Variants in SLC35F1 observed in about 807,000 individuals in gnomAD.
SLC35F1 encodes the protein solute carrier family 35 member F1.
Under a neutral mutation model 48.7 loss-of-function variants are expected in SLC35F1, and 14 were observed. That is an observed-to-expected ratio of 0.29 (90% CI 0.19 to 0.45). The LOEUF is 0.45. SLC35F1 is among the 20% of genes least tolerant of loss of function. The pLI is 1.00. For missense variants in SLC35F1, 404 were observed against 500.0 expected (o/e 0.81, Z 1.83); for synonymous variants, 190 against 202.2 (o/e 0.94, Z 0.51).
intron 1 of SLC35F1, among the ~76,000 whole-genome samples, chr6:118,120,374 T>G (rs894836375): frequency 6.6e-6 from 1 of 152,034 alleles, no homozygotes; most frequent in African/African-American, 2.4e-5. Context: ...ATTCTAAGAG[T>G]AGATGAGAAC....
At chr6:118,043,047 T>C (rs949683001) in intron 1 of SLC35F1, among the ~76,000 whole-genome samples, 2 of 152,192 alleles carry the variant, frequency 1.3e-5, no homozygotes, top group Non-Finnish European at 2.9e-5. Context: ...AGCTGCTGTG[T>C]GTACTGTGCG....
intron 1 of SLC35F1, among the ~76,000 whole-genome samples, chr6:117,964,209 T>C (rs1469185583): frequency 6.6e-6 from 1 of 152,244 alleles, no homozygotes; most frequent in Non-Finnish European, 1.5e-5. Flanking sequence ...CATATTTTCT[T>C]TCTCCAGTCT....
At chr6:118,243,601 GA>G (rs1196077369) in intron 3 of SLC35F1, among the ~76,000 whole-genome samples, 2 of 152,192 alleles carry the variant, frequency 1.3e-5, no homozygotes, top group Non-Finnish European at 2.9e-5. Context: ...GGAGACACAG[GA>G]GAAACAGCTC....
intron 1 of SLC35F1, among the ~76,000 whole-genome samples, chr6:117,933,980 G>A (rs575653302): frequency 6.6e-6 from 1 of 152,062 alleles, no homozygotes; most frequent in East Asian, 1.9e-4. Context: ...AATAACAAAA[G>A]TGGAAATCAT....
At chr6:118,020,610 A>C (rs1777381332) in intron 1 of SLC35F1, among the ~76,000 whole-genome samples, 1 of 152,230 alleles carries the variant, frequency 6.6e-6, no homozygotes, top group African/African-American at 2.4e-5. Context: ...ACTTGGAAGA[A>C]TTATTGATTT....
At chr6:118,130,321 T>C (rs1562298681) in intron 1 of SLC35F1, among the ~76,000 whole-genome samples, 1 of 152,174 alleles carries the variant, frequency 6.6e-6, no homozygotes, top group African/African-American at 2.4e-5. Context: ...AAGAGGCGTG[T>C]GCTTCAGTTT....
At chr6:117,918,090 C>G (rs1775849638) in intron 1 of SLC35F1, among the ~76,000 whole-genome samples, 1 of 152,036 alleles carries the variant, frequency 6.6e-6, no homozygotes, top group Non-Finnish European at 1.5e-5. Context: ...GTGGCAACCA[C>G]AGGGTCAGAG....
In SLC35F1 at chr6:118,128,926, G is replaced by A. The variant is rs1053790082; in HGVS notation, c.174-25519G>A. Among the ~76,000 whole-genome samples the A allele has an allele frequency of 3.9e-5, 6 of 151,978 alleles. No individual in the cohort carries two copies. The East Asian group carries it at 7.7e-4, about 20-fold the overall frequency. ...TTTGAAGCTCAGTGTTTTAACTTTG[G>A]CTATTTCATGAAAATACATGACTAA... On this transcript the variant is annotated intron_variant, in intron 1 of 7. Coordinates refer to ENST00000360388, the MANE Select transcript of SLC35F1 (RefSeq NM_001029858.4).
At chr6:118,126,246 A>T (rs1773622737) in intron 1 of SLC35F1, among the ~76,000 whole-genome samples, 1 of 152,114 alleles carries the variant, frequency 6.6e-6, no homozygotes, top group African/African-American at 2.4e-5. Flanking sequence ...GGATTAATTC[A>T]TGTCAAATGT....
chr6:117,925,021 T>A (rs966346152), intron 1 of SLC35F1, among the ~76,000 whole-genome samples: 1 of 152,164 alleles, frequency 6.6e-6, no homozygotes, highest in Non-Finnish European at 1.5e-5. Context: ...ACATGTGACA[T>A]CTTCAGAAGC....
At chr6:117,967,308 A>G (rs1251363505) in intron 1 of SLC35F1, among the ~76,000 whole-genome samples, 3 of 152,224 alleles carry the variant, frequency 2.0e-5, no homozygotes, top group African/African-American at 7.2e-5. Flanking sequence ...ACATTTTGAA[A>G]CCATAGAAAA....
intron 2 of SLC35F1, among the ~76,000 whole-genome samples, chr6:118,155,547 G>A (rs1774127175): frequency 6.6e-6 from 1 of 152,148 alleles, no homozygotes; most frequent in African/African-American, 2.4e-5. Flanking sequence ...CCAGATGTGA[G>A]CCCTTTAACC....
At position 117,993,654 on chromosome 6, in the gene SLC35F1, T is replaced by G. The variant is rs181582215; in HGVS notation, c.173+85755T>G. On this transcript the variant is annotated intron_variant, in intron 1 of 7. Transcript: ENST00000360388. The stretch of plus-strand genomic sequence containing the variant: ...CACCTGTTCATAGTTATAGCATAAT[T>G]TAGATCCTAGCCTGAAGAAAACTCT... Among the ~76,000 whole-genome samples the G allele has an allele frequency of 2.0e-4, 31 of 152,210 alleles. No individual in the cohort carries two copies. The East Asian group carries it at 5.8e-3, about 29-fold the overall frequency.
intron 2 of SLC35F1, among the ~76,000 whole-genome samples, chr6:118,213,213 A>G (rs1489670166): frequency 1.3e-5 from 2 of 152,230 alleles, no homozygotes; most frequent in Non-Finnish European, 2.9e-5. Flanking sequence ...GCTAAAATCA[A>G]CAAGTTATGG....
At chr6:118,043,602 A>T (rs1408991169) in intron 1 of SLC35F1, among the ~76,000 whole-genome samples, 1 of 152,186 alleles carries the variant, frequency 6.6e-6, no homozygotes, top group East Asian at 1.9e-4. Flanking sequence ...TATTTAACAG[A>T]TGAGTGAGCT....
chr6:117,923,712 T>TATGTATATATGTACATATGTAC (rs1184607463), intron 1 of SLC35F1, among the ~76,000 whole-genome samples: 1 of 20,164 alleles, frequency 5.0e-5, no homozygotes, highest in African/African-American at 1.3e-4. Flanking sequence ...TATATGTACA[T>TATGTATATATGTACATATGTAC]ATATACATAT....
intron 1 of SLC35F1, among the ~76,000 whole-genome samples, chr6:118,026,416 C>G (rs868010476): frequency 2.0e-5 from 3 of 152,164 alleles, no homozygotes; most frequent in Non-Finnish European, 4.4e-5. Flanking sequence ...ACTGGCTGTA[C>G]TTTTACAGAT....
At chr6:118,143,928 C>T (rs1773931201) in intron 1 of SLC35F1, among the ~76,000 whole-genome samples, 1 of 152,090 alleles carries the variant, frequency 6.6e-6, no homozygotes, top group African/African-American at 2.4e-5. Flanking sequence ...TTTCATTTGA[C>T]TATACCATGA....
chr6:117,946,588 C>T (rs1776298111), intron 1 of SLC35F1, among the ~76,000 whole-genome samples: 1 of 152,144 alleles, frequency 6.6e-6, no homozygotes, highest in African/African-American at 2.4e-5. Flanking sequence ...GAGATGACAA[C>T]CTACATGTAA....
Sources: allele counts gnomAD v4.1 joint callset (sites outside exome capture counted in the v4.1 genomes callset), GRCh38; gene constraint gnomAD v4.1.1; transcripts MANE v1.5; gene names NCBI Gene and HGNC (gene_info 2026-07-23, HGNC 2026-07-21).